PDE4DIP: variants seen among roughly 807,000 people sequenced by gnomAD.
PDE4DIP encodes the protein myomegalin.
PDE4DIP carries 59 observed loss-of-function variants against 221.4 expected under a neutral mutation model. The observed-to-expected ratio is 0.27, with a 90% CI of 0.22 to 0.33. PDE4DIP has a LOEUF of 0.33. Ranked by LOEUF, PDE4DIP falls within the 10% of genes least tolerant of loss-of-function variation. PDE4DIP has a pLI of 1.00. For missense variants in PDE4DIP, 1,036 were observed against 2,154.2 expected (o/e 0.48, Z 10.28); for synonymous variants, 404 against 815.9 (o/e 0.50, Z 8.60).
intron 21 of PDE4DIP, chr1:148,985,551 A>AT (rs1384642855): frequency 1.3e-5 from 2 of 152,160 alleles, no homozygotes; most frequent in Non-Finnish European, 2.9e-5. Context: ...GCCAAGATCA[A>AT]TTTTCTAAAT....
intron 17 of PDE4DIP, 139 bp from the exon 21 acceptor site, chr1:148,977,798 T>G: frequency 3.9e-6 from 5 of 1,293,120 alleles, no homozygotes; most frequent in Non-Finnish European, 4.3e-6. Context: ...ACTGCATGGA[T>G]TATTGGTTTG....
intron 1 of PDE4DIP, among the ~76,000 whole-genome samples, chr1:148,824,358 A>T (rs1670122996): frequency 6.7e-6 from 1 of 150,256 alleles, no homozygotes; most frequent in Admixed American, 6.6e-5. Flanking sequence ...AGCACAACTG[A>T]TCTAAAAGAA....
At chr1:148,919,287 G>T (rs1553460518) in intron 1 of PDE4DIP, among the ~76,000 whole-genome samples, 1 of 151,544 alleles carries the variant, frequency 6.6e-6, no homozygotes, top group African/African-American at 2.4e-5. Context: ...GGGCAAGAAG[G>T]AGAGGCTGTA....
chr1:148,964,195 C>T (rs1460580462), intron 9 of PDE4DIP, among the ~76,000 whole-genome samples: 2 of 151,058 alleles, frequency 1.3e-5, no homozygotes, highest in Admixed American at 6.6e-5. Flanking sequence ...CTGCAACCTC[C>T]ACCTCCCGGG....
intron 43 of PDE4DIP, 58 bp from the exon 47 acceptor site, chr1:149,031,886 G>A (rs1236923437): frequency 5.9e-6 from 9 of 1,537,450 alleles, no homozygotes; most frequent in Non-Finnish European, 8.0e-6. Flanking sequence ...GCTTCAGGTA[G>A]CCATCAGTAG....
intron 1 of PDE4DIP, among the ~76,000 whole-genome samples, chr1:148,927,234 T>C (rs587738169): frequency 2.0e-5 from 3 of 152,148 alleles, no homozygotes; most frequent in South Asian, 4.1e-4. Flanking sequence ...TATCATTCCT[T>C]CTTTTGAAGA....
chr1:149,029,531 G>A (rs80136785), intron 41 of PDE4DIP, among the ~76,000 whole-genome samples: 7 of 152,144 alleles, frequency 4.6e-5, no homozygotes, highest in South Asian at 2.1e-4. Context: ...ACCAGCCTGA[G>A]GCGAGGTTCT....
chr1:148,889,144 G>T (rs1240551749), upstream of PDE4DIP, among the ~76,000 whole-genome samples: 3 of 152,154 alleles, frequency 2.0e-5, no homozygotes, highest in African/African-American at 7.2e-5. Flanking sequence ...GACAGAAAGG[G>T]GATATTTGAC....
rs373297890 is a variant in PDE4DIP at position 149,026,700 on chromosome 1, G to A, written c.6326-15G>A. 3.3e-5 allele frequency: 17 copies of A among 521,074 alleles called. No individual in the cohort carries two copies. The highest frequency in any genetic ancestry group is 3.1e-4 in the African/African-American group (15 of 48,626). 32.3% of individuals were successfully genotyped at this position (521,074 alleles called of 1,614,324 possible). A position where few individuals can be genotyped will look rare whatever the true frequency, so the allele number is the denominator to read the frequency against. On this transcript the variant is annotated splice_polypyrimidine_tract_variant and intron_variant, in intron 38 of 43. Transcript: ENST00000369354. The stretch of plus-strand genomic sequence containing the variant: ...TCCAGGGCTCCTGAAAACTGTGGTT[G>A]CCTTTACCCCCTAGATTCAGCTGTG...
Position 148,933,063 on chromosome 1 carries a change from C to A in PDE4DIP, c.518+775C>A, listed in dbSNP as rs587770018. On this transcript the variant is annotated intron_variant, in intron 4 of 43. Transcript: ENST00000369354. ...CCAGCCTCCAAAACTGTGAGAAATA[C>A]ATTTCCGTTGTTTATAAGCCTCCCA... 3.0e-3 allele frequency among the ~76,000 whole-genome samples: 461 copies of A among 152,270 alleles called. 2 individuals carry two copies. The highest frequency in any genetic ancestry group is 5.4e-3 in the Non-Finnish European group (364 of 68,010).
intron 22 of PDE4DIP, among the ~76,000 whole-genome samples, chr1:148,996,903 T>C (rs1479095259): frequency 1.3e-5 from 2 of 152,202 alleles, no homozygotes; most frequent in African/African-American, 4.8e-5. Context: ...CATCAAATAT[T>C]TGGATGACTT....
intron 18 of PDE4DIP, 83 bp from the exon 22 acceptor site, chr1:148,978,195 T>C (rs2060524178): frequency 7.5e-7 from 1 of 1,339,558 alleles, no homozygotes; most frequent in African/African-American, 1.5e-5. Context: ...GCAGAATATT[T>C]CAAGACATTT....
intron 21 of PDE4DIP, chr1:148,982,271 A>G (rs1553544178): frequency 6.6e-6 from 1 of 152,234 alleles, no homozygotes; most frequent in Non-Finnish European, 1.5e-5. Flanking sequence ...TTACAAAGAT[A>G]ATTTCAAATG....
chr1:148,998,730 G>A (rs2064899487), intron 23 of PDE4DIP, among the ~76,000 whole-genome samples: 1 of 138,292 alleles, frequency 7.2e-6, no homozygotes, highest in Admixed American at 7.1e-5. Flanking sequence ...CGAAGGAGGA[G>A]GAATTTTTTT....
chr1:148,954,258 A>G (rs1553499297), intron 5 of PDE4DIP, among the ~76,000 whole-genome samples: 2 of 151,294 alleles, frequency 1.3e-5, no homozygotes, highest in Non-Finnish European at 2.9e-5. Flanking sequence ...TTTTTTTCCA[A>G]CTTTTAAAAT....
intron 27 of PDE4DIP, among the ~76,000 whole-genome samples, chr1:149,005,964 C>T (rs1553597193): frequency 6.6e-6 from 1 of 152,146 alleles, no homozygotes; most frequent in Non-Finnish European, 1.5e-5. Flanking sequence ...GAAACCCCAT[C>T]TCTACTAAAA....
intron 9 of PDE4DIP, among the ~76,000 whole-genome samples, chr1:148,965,053 T>A (rs1203411656): frequency 6.6e-6 from 1 of 151,814 alleles, no homozygotes; most frequent in Non-Finnish European, 1.5e-5. Context: ...CTTTCTAAAG[T>A]AACAGATGAT....
At chr1:148,919,327 C>T (rs772309683) in intron 1 of PDE4DIP, among the ~76,000 whole-genome samples, 3 of 151,638 alleles carry the variant, frequency 2.0e-5, no homozygotes, top group Middle Eastern at 6.8e-3. Flanking sequence ...AAGCATAAAG[C>T]TTTGGGGACG....
chr1:149,029,190 A>G (rs1233708920), intron 41 of PDE4DIP, among the ~76,000 whole-genome samples: 2 of 152,166 alleles, frequency 1.3e-5, no homozygotes, highest in South Asian at 2.1e-4. Flanking sequence ...GCCTGGGGAA[A>G]GTCAGCCACC....
Sources: allele counts gnomAD v4.1 joint callset (sites outside exome capture counted in the v4.1 genomes callset), GRCh38; gene constraint gnomAD v4.1.1; transcripts MANE v1.5; gene names NCBI Gene and HGNC (gene_info 2026-07-23, HGNC 2026-07-21).